Variants in NCK1 observed in about 807,000 individuals in gnomAD.
NCK1 encodes SH2/SH3 adapter protein NCK1.
In NCK1, 19 loss-of-function variants were observed where a neutral mutation model predicts 36.6. The ratio of observed to expected loss-of-function variants is 0.52; its 90% CI spans 0.36 to 0.76. The LOEUF (loss-of-function observed/expected upper bound fraction) is 0.76, where lower values mean the gene tolerates loss of function less well. Among genes scored for constraint, NCK1 ranks in the 30% least tolerant of loss-of-function variants. The pLI is 0.00. For synonymous variants in NCK1, 165 were observed against 156.0 expected, an observed-to-expected ratio of 1.06 and a Z score of -0.43; for missense variants, 358 against 445.6, an observed-to-expected ratio of 0.80 and a Z score of 1.77.
chr3:136,876,679 G>A (rs557668697), intron 1 of NCK1, among the ~76,000 whole-genome samples: 13 of 151,584 alleles, frequency 8.6e-5, no homozygotes, highest in African/African-American at 1.2e-4. Flanking sequence ...AAGAATATAC[G>A]TATTTTTTTT....
At position 136,899,419 on chromosome 3, in the gene NCK1, C is replaced by CTTT. The variant is rs34828302; in HGVS notation, c.-18-28553_-18-28551dup. On this transcript the variant is annotated intron_variant, in intron 1 of 3. Coordinates refer to ENST00000481752, the MANE Select transcript of NCK1 (RefSeq NM_001291999.2). Reference sequence around the variant, plus strand: ...TGGGGATTTTACCTTCATTTCTTTTCTTTTTTTTTTTTTTAAATTTCTTTA... The same window carrying CTTT: ...TGGGGATTTTACCTTCATTTCTTTTCTTTTTTTTTTTTTTTTTAAATTTCTTTA... 102 of 199,518 alleles carry CTTT rather than the reference C, an allele frequency of 5.1e-4. No individual in the cohort carries two copies. The East Asian group carries it at 6.4e-3, about 13-fold the overall frequency. The allele number at this position is 199,518 out of a possible 1,614,324, so 12.4% of individuals were successfully genotyped here.
chr3:136,904,719 C>T (rs1939636991), intron 1 of NCK1, among the ~76,000 whole-genome samples: 1 of 152,018 alleles, frequency 6.6e-6, no homozygotes, highest in African/African-American at 2.4e-5. Context: ...AAATTTTTAC[C>T]TATTATTTTA....
At chr3:136,877,525 G>A (rs1396259646) in intron 1 of NCK1, among the ~76,000 whole-genome samples, 3 of 152,084 alleles carry the variant, frequency 2.0e-5, no homozygotes, top group Non-Finnish European at 4.4e-5. Context: ...AAAGAATGAA[G>A]GCTAAAAATA....
chr3:136,864,496 A>ACAC (rs1553789544), intron 1 of NCK1, among the ~76,000 whole-genome samples: 2,467 of 148,636 alleles, frequency 0.017, 74 homozygotes, highest in African/African-American at 0.058. Context: ...ACACACACAC[A>ACAC]AAAAAAAAAC....
chr3:136,895,384 T>TAAAATTGCCATATCACCTTTTTTAA (rs1560039273), intron 1 of NCK1, among the ~76,000 whole-genome samples: 6 of 151,680 alleles, frequency 4.0e-5, no homozygotes, highest in East Asian at 3.9e-4. Flanking sequence ...TGTCTGACAT[T>TAAAATTGCCATATCACCTTTTTTAA]AAAATTGCCA....
At chr3:136,934,742 G>T (rs552699318) in intron 2 of NCK1, among the ~76,000 whole-genome samples, 6 of 152,116 alleles carry the variant, frequency 3.9e-5, no homozygotes, top group Admixed American at 2.0e-4. Flanking sequence ...ACTTGACCAA[G>T]ATCACACAAC....
At chr3:136,917,623 G>C (rs916891695) in intron 1 of NCK1, among the ~76,000 whole-genome samples, 4 of 152,170 alleles carry the variant, frequency 2.6e-5, no homozygotes, top group Non-Finnish European at 2.9e-5. Flanking sequence ...CACTTTTCCT[G>C]TCATGCCTCT....
At chr3:136,894,565 C>T (rs1234710901) in intron 1 of NCK1, among the ~76,000 whole-genome samples, 3 of 152,234 alleles carry the variant, frequency 2.0e-5, no homozygotes, top group East Asian at 3.9e-4. Context: ...CACCATTAAA[C>T]GAGTCCTTTA....
At position 136,914,267 on chromosome 3, in the gene NCK1, G is replaced by A. The variant is rs562668886; in HGVS notation, c.-18-13717G>A. Among the ~76,000 whole-genome samples the A allele has an allele frequency of 6.3e-4, 96 of 152,318 alleles. No individual in the cohort carries two copies. The South Asian group carries it at 8.7e-3, about 14-fold the overall frequency. On this transcript the variant is annotated intron_variant, in intron 1 of 3. Transcript: ENST00000481752. ...ATTGCCCGAAAGCTGTGGAACACAT[G>A]CGTGTCTGCCTGGAGATTGGGGAAT...
rs888808515 is a variant in NCK1 at position 136,949,377 on chromosome 3, C to A, written c.*924C>A. ...CTCCTCACTAAATATCAGTAATTGT[C>A]AGGAATGGTATTACCTATTTTCATT... is the stretch of plus-strand genomic sequence containing the variant. On this transcript the variant is annotated 3_prime_UTR_variant, in exon 4 of 4. Coordinates refer to ENST00000481752, the MANE Select transcript of NCK1 (RefSeq NM_001291999.2). The A allele has an allele frequency of 5.3e-5, 8 of 150,834 alleles. No individual in the cohort carries two copies. Among genetic ancestry groups the A allele is most frequent in the Non-Finnish European group, 1.0e-4 (7 of 67,552 alleles). The allele number at this position is 150,834 out of a possible 1,614,324, so 9.3% of individuals were successfully genotyped here. A position where few individuals can be genotyped will look rare whatever the true frequency, so the allele number is the denominator to read the frequency against.
At chr3:136,916,792 A>G (rs1939977360) in intron 1 of NCK1, among the ~76,000 whole-genome samples, 4 of 152,200 alleles carry the variant, frequency 2.6e-5, no homozygotes, top group Admixed American at 1.3e-4. Context: ...TTGATACTCA[A>G]TAAAAGAGAC....
chr3:136,914,297 A>C (rs1047264281), intron 1 of NCK1, among the ~76,000 whole-genome samples: 9 of 152,224 alleles, frequency 5.9e-5, no homozygotes, highest in Non-Finnish European at 1.3e-4. Flanking sequence ...GGGAATGGGT[A>C]GTCACTGCTG....
At position 136,901,396 on chromosome 3, in the gene NCK1, T is replaced by C. The variant is rs929373934; in HGVS notation, c.-18-26588T>C. Among the ~76,000 whole-genome samples, 5 of 151,988 alleles carry C rather than the reference T, an allele frequency of 3.3e-5. No homozygotes were observed. The South Asian group carries it at 6.2e-4, about 19-fold the overall frequency. The stretch of plus-strand genomic sequence containing the variant: ...TTTTAAATATTTTTTATTGCATCCT[T>C]GTCTGGTTTTGGTGTTAAGGTAATG... On this transcript the variant is annotated intron_variant, in intron 1 of 3. Transcript: ENST00000481752.
intron 1 of NCK1, among the ~76,000 whole-genome samples, chr3:136,894,213 A>G (rs913900936): frequency 6.6e-5 from 10 of 152,172 alleles, no homozygotes; most frequent in Non-Finnish European, 1.3e-4. Context: ...CTGTGGAAGC[A>G]TTACCCTCAG....
chr3:136,900,864 G>C (rs529641187), intron 1 of NCK1, among the ~76,000 whole-genome samples: 10 of 152,298 alleles, frequency 6.6e-5, no homozygotes, highest in Admixed American at 6.5e-4. Flanking sequence ...AAGAGGGACA[G>C]TTTGACTTCC....
At chr3:136,897,043 CT>C (rs987960462) in intron 1 of NCK1, among the ~76,000 whole-genome samples, 1 of 151,994 alleles carries the variant, frequency 6.6e-6, no homozygotes, top group Non-Finnish European at 1.5e-5. Context: ...TAAGAGTTCC[CT>C]TTTTTTCTAC....
Position 136,885,352 on chromosome 3 carries a change from T to C in NCK1, c.-19+22999T>C, listed in dbSNP as rs535148211. Among the ~76,000 whole-genome samples, 13 of 152,336 alleles carry C rather than the reference T, an allele frequency of 8.5e-5. 1 individual carries two copies. Among genetic ancestry groups the C allele is most frequent in the African/African-American group, 3.1e-4 (13 of 41,570 alleles). On this transcript the variant is annotated intron_variant, in intron 1 of 3. Transcript: ENST00000481752. ...TTTCCAGCTGTAATCTAGGGCACAT[T>C]ACTTAACTTTTTTGAGACAGGGTCT...
chr3:136,906,594 G>A (rs6439675), intron 1 of NCK1, among the ~76,000 whole-genome samples: 94,787 of 151,966 alleles, frequency 0.62, 29,898 homozygotes, highest in East Asian at 0.87. Context: ...TACCAGGAGT[G>A]GCACAGGTGA....
intron 1 of NCK1, among the ~76,000 whole-genome samples, chr3:136,887,536 G>A (rs1376920339): frequency 2.6e-5 from 4 of 152,158 alleles, no homozygotes; most frequent in Admixed American, 6.5e-5. Context: ...CCTTAGTATC[G>A]ACTTGCAGTG....
Sources: allele counts gnomAD v4.1 joint callset (sites outside exome capture counted in the v4.1 genomes callset), GRCh38; gene constraint gnomAD v4.1.1; transcripts MANE v1.5; gene names NCBI Gene and HGNC (gene_info 2026-07-23, HGNC 2026-07-21).